MLIP: variants seen among roughly 807,000 people sequenced by gnomAD.
The protein encoded by MLIP is muscular LMNA-interacting protein.
MLIP carries 79 observed loss-of-function variants against 84.8 expected under a neutral mutation model. The ratio of observed to expected loss-of-function variants is 0.93; its 90% CI spans 0.78 to 1.12. The LOEUF is 1.12. Among genes scored for constraint, MLIP ranks in the 50% most tolerant of loss-of-function variants. MLIP has a pLI of 0.00. For missense variants in MLIP, 1,257 were observed against 1,160.6 expected (o/e 1.08, Z -1.21); for synonymous variants, 504 against 463.0 (o/e 1.09, Z -1.14).
intron 8 of MLIP, among the ~76,000 whole-genome samples, chr6:54,167,999 G>A (rs1457275467): frequency 6.6e-6 from 1 of 151,702 alleles, no homozygotes; most frequent in Non-Finnish European, 1.5e-5. Flanking sequence ...TGAAATGCTG[G>A]GCTTCTCTCT....
intron 11 of MLIP, chr6:54,215,007 C>T: frequency 1.7e-6 from 1 of 592,320 alleles, no homozygotes; most frequent in Non-Finnish European, 2.9e-6. Context: ...AGACGATATC[C>T]CTCCCTCATG....
chr6:54,041,875 A>G (rs77753801), intron 1 of MLIP, among the ~76,000 whole-genome samples: 4,234 of 152,134 alleles, frequency 0.028, 186 homozygotes, highest in African/African-American at 0.094. Flanking sequence ...TAGCTAATTT[A>G]GCTTCCCGGA....
At chr6:54,164,094 T>A (rs1447258799) in intron 8 of MLIP, among the ~76,000 whole-genome samples, 4 of 151,992 alleles carry the variant, frequency 2.6e-5, no homozygotes, top group Admixed American at 2.6e-4. Flanking sequence ...TTATGTATGA[T>A]CTTACAGATA....
At chr6:54,219,701 T>G (rs1207744708) in intron 11 of MLIP, among the ~76,000 whole-genome samples, 1 of 152,178 alleles carries the variant, frequency 6.6e-6, no homozygotes. Flanking sequence ...TTCTAAGCTT[T>G]GCTGATTTAT....
chr6:54,042,660 G>A (rs569738479), intron 1 of MLIP, among the ~76,000 whole-genome samples: 2 of 152,278 alleles, frequency 1.3e-5, no homozygotes, highest in South Asian at 4.1e-4. Flanking sequence ...AGGAGTTGAA[G>A]ACAGAGTCTT....
chr6:54,091,458 A>G (rs1767869054), intron 1 of MLIP, among the ~76,000 whole-genome samples: 1 of 152,166 alleles, frequency 6.6e-6, no homozygotes, highest in South Asian at 2.1e-4. Flanking sequence ...ACTGTCTGAG[A>G]GAAATTATTT....
intron 1 of MLIP, chr6:54,019,165 G>A (rs1373986527): frequency 6.7e-7 from 1 of 1,494,310 alleles, no homozygotes. Flanking sequence ...TCATAGACTG[G>A]AAAAGTTGTG....
intron 9 of MLIP, among the ~76,000 whole-genome samples, chr6:54,178,030 A>G (rs1268152361): frequency 6.6e-6 from 1 of 152,112 alleles, no homozygotes; most frequent in East Asian, 1.9e-4. Flanking sequence ...GGAGGGGAAC[A>G]ACACACATTG....
At chr6:54,032,529 A>G (rs983036279) in intron 1 of MLIP, 1 of 152,072 alleles carries the variant, frequency 6.6e-6, no homozygotes, top group Non-Finnish European at 1.5e-5. Flanking sequence ...GTTTGTTTTT[A>G]TAATACTCAA....
chr6:54,265,974 A>G lies in MLIP; in HGVS notation c.*19A>G. 6.2e-7 allele frequency: 1 copy of G among 1,612,000 alleles called. No individual in the cohort carries two copies. The highest frequency in any genetic ancestry group is 1.3e-5 in the African/African-American group (1 of 74,958). On this transcript the variant is annotated 3_prime_UTR_variant, in exon 14 of 14. Coordinates refer to ENST00000502396, the MANE Select transcript of MLIP (RefSeq NM_001281747.2). ...GCAATGAAGTTGGAGCAGAGGCTGA[A>G]AACACAGGCTGCTGAAGTTTTTTGG...
chr6:54,043,774 C>G (rs1390009357), intron 1 of MLIP, among the ~76,000 whole-genome samples: 1 of 152,002 alleles, frequency 6.6e-6, no homozygotes, highest in Non-Finnish European at 1.5e-5. Context: ...TAGTGGAAGC[C>G]CACAGTCTTA....
intron 3 of MLIP, among the ~76,000 whole-genome samples, chr6:54,128,547 G>A: frequency 6.6e-6 from 1 of 152,124 alleles, no homozygotes; most frequent in Non-Finnish European, 1.5e-5. Context: ...GTAAAATAAA[G>A]TAGGACCCCT....
intron 12 of MLIP, among the ~76,000 whole-genome samples, 190 bp downstream of exon 12, chr6:54,231,107 G>T (rs1310183030): frequency 6.6e-6 from 1 of 151,896 alleles, no homozygotes; most frequent in East Asian, 1.9e-4. Flanking sequence ...TTGAACTTGG[G>T]AAATAATAAA....
chr6:54,021,287 A>G (rs767791584), intron 1 of MLIP, among the ~76,000 whole-genome samples: 2 of 152,166 alleles, frequency 1.3e-5, no homozygotes, highest in Non-Finnish European at 2.9e-5. Context: ...AAAAGAAGAA[A>G]ATATTTTTTC....
intron 8 of MLIP, among the ~76,000 whole-genome samples, chr6:54,167,259 C>G (rs1355909307): frequency 6.6e-6 from 1 of 151,852 alleles, no homozygotes; most frequent in African/African-American, 2.4e-5. Flanking sequence ...AAGCAAAGTC[C>G]TCACAAGGTC....
chr6:54,245,539 C>A (rs770902072), intron 12 of MLIP, among the ~76,000 whole-genome samples: 2 of 152,128 alleles, frequency 1.3e-5, no homozygotes, highest in African/African-American at 4.8e-5. Context: ...ATGAGCCATG[C>A]ATTATTAACC....
At chr6:54,219,948 A>G (rs1438095139) in intron 11 of MLIP, among the ~76,000 whole-genome samples, 1 of 152,176 alleles carries the variant, frequency 6.6e-6, no homozygotes, top group East Asian at 1.9e-4. Context: ...GCCATCTTAA[A>G]ATAAGCAAAT....
intron 1 of MLIP, chr6:54,083,516 C>T: frequency 6.5e-7 from 1 of 1,535,642 alleles, no homozygotes; most frequent in African/African-American, 1.4e-5. Flanking sequence ...TATTGGCTGA[C>T]ACTGACCTTG....
chr6:54,230,068 ACCT>A (rs913029553), intron 11 of MLIP, among the ~76,000 whole-genome samples: 3 of 152,112 alleles, frequency 2.0e-5, no homozygotes, highest in Admixed American at 6.5e-5. Flanking sequence ...AGGCCTCGTA[ACCT>A]CCTTTCTTTG....
Sources: gnomAD v4.1 joint callset for allele counts (sites outside exome capture counted in the v4.1 genomes callset) on GRCh38, gnomAD v4.1.1 for gene constraint, MANE v1.5 for transcripts, NCBI Gene and HGNC (gene_info 2026-07-23, HGNC 2026-07-21) for gene names.